The following MORC3 variants were observed in gnomAD, a reference collection of about 807,000 sequenced individuals.
The protein encoded by MORC3 is MORC family CW-type zinc finger 3.
In MORC3, 31 loss-of-function variants were observed where a neutral mutation model predicts 109.1. The ratio of observed to expected loss-of-function variants is 0.28; its 90% CI spans 0.21 to 0.38. The LOEUF is 0.38. MORC3 is among the 10% of genes least tolerant of loss of function. The pLI is 1.00. For synonymous variants in MORC3, 395 were observed against 380.7 expected, an observed-to-expected ratio of 1.04 and a Z score of -0.44; for missense variants, 867 against 1,135.8, an observed-to-expected ratio of 0.76 and a Z score of 3.40.
chr21:36,342,623 C>T (rs527415209), intron 6 of MORC3, among the ~76,000 whole-genome samples: 2 of 152,062 alleles, frequency 1.3e-5, no homozygotes, highest in Non-Finnish European at 2.9e-5. Context: ...AGGCTGATCT[C>T]AAACTCTTGG....
At chr21:36,329,659 G>A (rs571926525) in intron 1 of MORC3, among the ~76,000 whole-genome samples, 4 of 152,256 alleles carry the variant, frequency 2.6e-5, no homozygotes, top group South Asian at 4.1e-4. Flanking sequence ...ACTAGTTCAG[G>A]CCATGACAGG....
chr21:36,347,084 G>A (rs770765723), intron 8 of MORC3, among the ~76,000 whole-genome samples: 15 of 151,714 alleles, frequency 9.9e-5, no homozygotes, highest in Admixed American at 6.6e-4. Context: ...ACATAACAGC[G>A]TGGATCTCAG....
At chr21:36,323,175 C>T (rs9305584) in intron 1 of MORC3, among the ~76,000 whole-genome samples, 68,629 of 151,916 alleles carry the variant, frequency 0.45, 16,399 homozygotes, top group East Asian at 0.59. Context: ...TTCCCTTTAA[C>T]ATCTGTCTGG....
chr21:36,354,323 CTT>C (rs144208712), intron 9 of MORC3, among the ~76,000 whole-genome samples: 1 of 113,640 alleles, frequency 8.8e-6, no homozygotes. Flanking sequence ...TTCTTTCTTT[CTT>C]TTTTTTTTTT....
At chr21:36,320,864 C>T (rs1478016734) in intron 1 of MORC3, among the ~76,000 whole-genome samples, 3 of 152,200 alleles carry the variant, frequency 2.0e-5, no homozygotes, top group South Asian at 4.1e-4. Context: ...CTCGAGCTCT[C>T]CTCTTTATCC....
At chr21:36,320,659 G>A in intron 1 of MORC3, 1 of 239,870 alleles carries the variant, frequency 4.2e-6, no homozygotes, top group East Asian at 8.1e-5. Flanking sequence ...TCTTCTGTCC[G>A]CTGGGCGTCG....
chr21:36,329,405 C>T (rs773919157), intron 1 of MORC3, among the ~76,000 whole-genome samples: 7 of 152,054 alleles, frequency 4.6e-5, no homozygotes, highest in South Asian at 2.1e-4. Flanking sequence ...GCTTGCTTTA[C>T]AATGAATCAG....
At chr21:36,364,374 G>T (rs1347437058) in intron 14 of MORC3, 115 bp downstream of exon 14, 201 of 1,151,896 alleles carry the variant, frequency 1.7e-4, no homozygotes, top group Non-Finnish European at 2.2e-5. Flanking sequence ...TGAATTGTAG[G>T]TTCCATGAAT....
chr21:36,337,721 TTTC>T lies in MORC3; in HGVS notation c.246-5_246-3del, dbSNP rs1185227492. 1.9e-6 allele frequency: 3 copies of T among 1,553,422 alleles called. No individual in the cohort carries two copies. Among genetic ancestry groups the T allele is most frequent in the Non-Finnish European group, 2.6e-6 (3 of 1,151,356 alleles). The stretch of plus-strand genomic sequence containing the variant: ...GGTATTTATTTTTAAAAATCTTTAT[TTTC>T]TTCTTAGCTTTGGCTTCAGTGACAA... On this transcript the variant is annotated splice_polypyrimidine_tract_variant and splice_region_variant and intron_variant, in intron 3 of 16. Transcript: ENST00000400485.
chr21:36,362,224 C>T lies in MORC3; in HGVS notation c.1448C>T (p.Pro483Leu). ...AGGATCAGACAACCGGAAATGATCC[C>T]TCGGGTAATTAAGCCTTCTTTTTTT... is the stretch of plus-strand genomic sequence containing the variant. ...KFRIRQPEMIPRINAELLFRP... is the reference protein window; with the variant it reads ...KFRIRQPEMILRINAELLFRP... Residue 483 changes from proline (P) to leucine (L), a missense_variant, in exon 13 of 17, where the codon CCT becomes CTT. Pro to Leu is a moderately conservative substitution (Grantham distance 98). Transcript: ENST00000400485. 6.2e-7 allele frequency: 1 copy of T among 1,605,560 alleles called. No homozygotes were observed. Among genetic ancestry groups the T allele is most frequent in the Non-Finnish European group, 8.5e-7 (1 of 1,177,856 alleles).
chr21:36,365,180 A>G (rs1031065434), intron 14 of MORC3, among the ~76,000 whole-genome samples: 12 of 152,098 alleles, frequency 7.9e-5, no homozygotes, highest in Non-Finnish European at 1.5e-4. Context: ...GAAGGAAGGG[A>G]CAAAGAGAAA....
At position 36,364,126 on chromosome 21, in the gene MORC3, C is replaced by G. The variant is rs1179424527; in HGVS notation, c.1486C>G (p.Leu496Val). Residue 496 changes from leucine to valine, a missense_variant, in exon 14 of 17, where the codon CTT (leucine) becomes GTT (valine). Coordinates refer to ENST00000400485, the MANE Select transcript of MORC3 (RefSeq NM_015358.3). ...NAELLFRPTALSTPSFSSPKE... is the reference protein window; with the variant it reads ...NAELLFRPTAVSTPSFSSPKE... ...TGAACTGTTGTTTCGGCCAACTGCT[C>G]TTTCAACTCCAAGCTTTTCTTCTCC... The G allele has an allele frequency of 6.2e-7, 1 of 1,614,108 alleles. No homozygotes were observed. The highest frequency in any genetic ancestry group is 1.7e-5 in the Admixed American group (1 of 59,970).
chr21:36,364,810 G>C (rs550013818), intron 14 of MORC3, among the ~76,000 whole-genome samples: 2 of 151,618 alleles, frequency 1.3e-5, no homozygotes, highest in Admixed American at 1.3e-4. Context: ...CCAGCACTTT[G>C]GGAGGCCGAG....
rs1416493183 is a variant in MORC3 at position 36,320,286 on chromosome 21, G to C, written c.22G>C (p.Gly8Arg). Residue 8 changes from glycine (G) to arginine (R), a missense_variant, in exon 1 of 17, where the codon GGG (glycine) becomes CGG (arginine). By Grantham distance (125) the Gly-to-Arg change is moderately radical (BLOSUM62 -2). Transcript: ENST00000400485. MAAQPPR[G>R]IRLSALCPKF... is the part of the protein sequence containing the mutation. ...CAAGATGGCGGCGCAGCCACCCCGC[G>C]GGATACGCCTCAGCGCGGTGAGCAG... 2.5e-6 allele frequency: 4 copies of C among 1,578,068 alleles called. No homozygotes were observed. Among genetic ancestry groups the C allele is most frequent in the Admixed American group, 1.8e-5 (1 of 54,682 alleles).
chr21:36,356,966 A>G (rs905020996), intron 10 of MORC3, among the ~76,000 whole-genome samples: 2 of 152,212 alleles, frequency 1.3e-5, no homozygotes, highest in East Asian at 3.8e-4. Flanking sequence ...TCATTTTAAG[A>G]TGCTATGGAT....
chr21:36,359,943 G>A lies in MORC3; in HGVS notation c.1209-12G>A, dbSNP rs1367735143. On this transcript the variant is annotated splice_polypyrimidine_tract_variant and intron_variant, in intron 10 of 16. Transcript: ENST00000400485. ...ATTTCTGTGTTAATATTTTGTTCTT[G>A]TTTTGGGACAGGAAGCGTCCTGATC... 1 of 1,613,888 alleles carries A rather than the reference G, an allele frequency of 6.2e-7. No homozygotes were observed. The highest frequency in any genetic ancestry group is 1.3e-5 in the African/African-American group (1 of 74,898).
intron 14 of MORC3, 65 bp downstream of exon 14, chr21:36,364,324 G>A (rs74726451): frequency 0.025 from 37,483 of 1,509,194 alleles, 590 homozygotes; most frequent in Admixed American, 0.064. Context: ...TGACACTTCT[G>A]TGACAGTGAT....
In MORC3 at chr21:36,336,857, A is replaced by G. The variant is rs779341199; in HGVS notation, c.113-17A>G. Reference sequence around the variant, plus strand: ...TAAAGTGTAAAATCAGAATTTCTTCAAACTTGTGTTTCCCAGATAATGCTT... The same window carrying G: ...TAAAGTGTAAAATCAGAATTTCTTCGAACTTGTGTTTCCCAGATAATGCTT... On this transcript the variant is annotated splice_polypyrimidine_tract_variant and intron_variant, in intron 2 of 16. Transcript: ENST00000400485. 1.3e-6 allele frequency: 2 copies of G among 1,586,834 alleles called. No individual in the cohort carries two copies. Among genetic ancestry groups the G allele is most frequent in the Non-Finnish European group, 1.7e-6 (2 of 1,166,744 alleles).
rs760582741 is a variant in MORC3 at position 36,349,307 on chromosome 21, T to C, written c.1006-4T>C. 1 of 1,600,086 alleles carries C rather than the reference T, an allele frequency of 6.2e-7. No individual in the cohort carries two copies. Among genetic ancestry groups the C allele is most frequent in the East Asian group, 2.2e-5 (1 of 44,610 alleles). The stretch of plus-strand genomic sequence containing the variant: ...AAAATGCTGATTTCATTTTATTTTT[T>C]CAGGCAAACAACATGGGTGTTGGAG... On this transcript the variant is annotated splice_polypyrimidine_tract_variant and splice_region_variant and intron_variant, in intron 8 of 16. Transcript: ENST00000400485.
Sources: allele counts gnomAD v4.1 joint callset (sites outside exome capture counted in the v4.1 genomes callset), GRCh38; gene constraint gnomAD v4.1.1; transcripts MANE v1.5; gene names NCBI Gene and HGNC (gene_info 2026-07-23, HGNC 2026-07-21).